The following TBXAS1 variants were observed in gnomAD, a reference collection of about 807,000 sequenced individuals.
The protein encoded by TBXAS1 is thromboxane-A synthase.
TBXAS1 carries 48 observed loss-of-function variants against 60.7 expected under a neutral mutation model. That is an observed-to-expected ratio of 0.79 (90% CI 0.63 to 1.01). The LOEUF (loss-of-function observed/expected upper bound fraction) is 1.01, where lower values mean the gene tolerates loss of function less well. TBXAS1 is among the 50% of genes least tolerant of loss of function. The pLI, the probability that TBXAS1 is intolerant of heterozygous loss-of-function variation, is 0.00. For missense variants in TBXAS1, 685 were observed against 686.3 expected (o/e 1.00, Z 0.02); for synonymous variants, 287 against 269.7 (o/e 1.06, Z -0.63).
At chr7:139,944,744 C>G (rs114582103) in intron 5 of TBXAS1, among the ~76,000 whole-genome samples, 4,347 of 152,192 alleles carry the variant, frequency 0.029, 206 homozygotes, top group African/African-American at 0.098. Context: ...ACAAGTCACC[C>G]AAGCTACACA....
chr7:139,869,144 T>C (rs190693350), intron 1 of TBXAS1, among the ~76,000 whole-genome samples: 5 of 152,298 alleles, frequency 3.3e-5, no homozygotes, highest in African/African-American at 9.6e-5. Flanking sequence ...GAGCCTGAAA[T>C]TGAGGTGTCT....
At chr7:139,966,907 G>C (rs887792014) in intron 9 of TBXAS1, among the ~76,000 whole-genome samples, 49 of 152,258 alleles carry the variant, frequency 3.2e-4, no homozygotes, top group Non-Finnish European at 2.1e-4. Flanking sequence ...TCTCCTCCAG[G>C]AGTGGGGCCT....
rs57545948 is a variant in TBXAS1 at position 139,852,935 on chromosome 7, TACAC to T, written c.90-19248_90-19245del. Among the ~76,000 whole-genome samples, 10,118 of 126,836 alleles carry T rather than the reference TACAC, an allele frequency of 0.08. 372 individuals are homozygous for T. The highest frequency in any genetic ancestry group is 0.17 in the East Asian group (688 of 4,122). 83.2% of individuals were successfully genotyped at this position (126,836 alleles called of 152,430 possible). A position where few individuals can be genotyped will look rare whatever the true frequency, so the allele number is the denominator to read the frequency against. ...TGTGTACCAACCTTGGCTACTCCAA[TACAC>T]ACACACACACACACACACACACACA... is the stretch of plus-strand genomic sequence containing the variant. On this transcript the variant is annotated intron_variant, in intron 1 of 12. Transcript: ENST00000448866. This position sits in a 1 kb window ranked among gnomAD's most constrained non-coding sequence, Gnocchi z 4.4.
At chr7:139,883,118 C>A (rs1802822718) in intron 3 of TBXAS1, among the ~76,000 whole-genome samples, 1 of 152,024 alleles carries the variant, frequency 6.6e-6, no homozygotes, top group Admixed American at 6.6e-5. Flanking sequence ...AGCACACTGC[C>A]CAGTAGGTGG....
At chr7:139,865,250 C>A (rs1000075595) in intron 1 of TBXAS1, among the ~76,000 whole-genome samples, 2 of 152,152 alleles carry the variant, frequency 1.3e-5, no homozygotes, top group African/African-American at 2.4e-5. Context: ...CCCACCAACC[C>A]TTCAGGAACA....
intron 7 of TBXAS1, among the ~76,000 whole-genome samples, chr7:139,957,380 G>C (rs1809947119): frequency 6.6e-6 from 1 of 152,156 alleles, no homozygotes; most frequent in Non-Finnish European, 1.5e-5. Flanking sequence ...CCTCTTGAGG[G>C]CCAGATGGAA....
At chr7:139,905,363 A>G (rs1242495856) in intron 3 of TBXAS1, among the ~76,000 whole-genome samples, 1 of 152,114 alleles carries the variant, frequency 6.6e-6, no homozygotes, top group African/African-American at 2.4e-5. Context: ...TTCTGCATCT[A>G]TTGAGATTAT....
chr7:139,862,301 T>C (rs948299226), intron 1 of TBXAS1, among the ~76,000 whole-genome samples: 6 of 152,138 alleles, frequency 3.9e-5, no homozygotes, highest in African/African-American at 1.4e-4. Flanking sequence ...AGGAGCAATC[T>C]TTGAGGCAGG....
chr7:140,011,453 T>C (rs370950360), intron 10 of TBXAS1, among the ~76,000 whole-genome samples: 2 of 152,322 alleles, frequency 1.3e-5, no homozygotes, highest in African/African-American at 4.8e-5. Context: ...CAAGCATATA[T>C]AGTCTACCCT....
In TBXAS1 at chr7:139,811,677, A is replaced by C. The variant is rs150006765; in HGVS notation, c.-79-17635A>C. On this transcript the variant is annotated intron_variant, in intron 4 of 16. Coordinates refer to the TBXAS1 transcript ENST00000336425. ...TTTTCACTCTGACAAGAACCACATG[A>C]GTGACTAACCCTAAAGATGGAAATA... Among the ~76,000 whole-genome samples, 461 of 152,346 alleles carry C rather than the reference A, an allele frequency of 3.0e-3. 16 individuals are homozygous for C. The highest frequency in any genetic ancestry group is 0.026 in the Admixed American group (398 of 15,312).
intron 9 of TBXAS1, among the ~76,000 whole-genome samples, chr7:139,990,588 C>A (rs1057316577): frequency 1.3e-5 from 2 of 152,078 alleles, no homozygotes; most frequent in African/African-American, 4.8e-5. Flanking sequence ...CTGGTTCTGA[C>A]CCCTGAGACC....
Position 139,906,226 on chromosome 7 carries a change from T to C in TBXAS1, c.237-4999T>C, listed in dbSNP as rs150451804. 2.8e-4 allele frequency: 55 copies of C among 193,346 alleles called. No homozygotes were observed. The East Asian group carries it at 7.5e-3, about 27-fold the overall frequency. 12.0% of individuals were successfully genotyped at this position (193,346 alleles called of 1,614,324 possible). ...ATGTGCCACCATGCCCAGATAGTTA[T>C]TTGTATTTTTAGTACAGATGGGGTT... is the stretch of plus-strand genomic sequence containing the variant. On this transcript the variant is annotated intron_variant, in intron 3 of 12. Transcript: ENST00000448866.
chr7:139,888,729 T>C (rs927283788), intron 3 of TBXAS1, among the ~76,000 whole-genome samples: 1 of 151,954 alleles, frequency 6.6e-6, no homozygotes, highest in Non-Finnish European at 1.5e-5. Flanking sequence ...AGTTCAGAGG[T>C]TTTGGCTGAG....
chr7:139,849,503 G>A (rs917172396), intron 1 of TBXAS1, among the ~76,000 whole-genome samples: 1 of 152,138 alleles, frequency 6.6e-6, no homozygotes, highest in Non-Finnish European at 1.5e-5. Flanking sequence ...TGCTTATGAA[G>A]TGATAACCTA....
At chr7:139,913,289 T>C (rs1805686873) in intron 4 of TBXAS1, 3 of 612,800 alleles carry the variant, frequency 4.9e-6, no homozygotes, top group African/African-American at 1.8e-5. Flanking sequence ...TGATTCTGAT[T>C]ATTAAATGCA....
chr7:140,015,691 T>C (rs1298226877), intron 10 of TBXAS1, 32 bp from the exon 11 acceptor site: 1 of 1,611,438 alleles, frequency 6.2e-7, no homozygotes, highest in East Asian at 2.2e-5. Flanking sequence ...ATCTCTTCTC[T>C]GTATCCACCC....
chr7:139,874,852 T>C (rs2116829960), intron 2 of TBXAS1, among the ~76,000 whole-genome samples: 1 of 152,340 alleles, frequency 6.6e-6, no homozygotes, highest in East Asian at 1.9e-4. Context: ...CCCAGCACTT[T>C]GGGAGGCCAA....
chr7:139,799,383 T>G (rs942870567), intron 4 of TBXAS1, among the ~76,000 whole-genome samples: 1 of 152,074 alleles, frequency 6.6e-6, no homozygotes, highest in Non-Finnish European at 1.5e-5. Context: ...AGGCGCACGC[T>G]GCCATGCTGG....
intron 3 of TBXAS1, among the ~76,000 whole-genome samples, chr7:139,893,513 T>A (rs1463321627): frequency 6.6e-6 from 1 of 152,260 alleles, no homozygotes; most frequent in East Asian, 1.9e-4. Flanking sequence ...GCTGTTTGCA[T>A]CAACAACTTT....
Sources: allele counts gnomAD v4.1 joint callset (sites outside exome capture counted in the v4.1 genomes callset), GRCh38; gene constraint gnomAD v4.1.1; non-coding constraint Gnocchi (gnomAD v3.1); transcripts MANE v1.5; gene names NCBI Gene and HGNC (gene_info 2026-07-23, HGNC 2026-07-21).